ITSN1: variants seen among roughly 807,000 people sequenced by gnomAD.
ITSN1 encodes the protein intersectin 1.
ITSN1 carries 58 observed loss-of-function variants against 239.8 expected under a neutral mutation model. That is an observed-to-expected ratio of 0.24 (90% confidence interval 0.20 to 0.30). The LOEUF is 0.30. Ranked by LOEUF, ITSN1 falls within the 10% of genes least tolerant of loss-of-function variation. ITSN1 has a pLI of 1.00. For missense variants in ITSN1, 1,558 were observed against 2,103.3 expected (o/e 0.74, Z 5.07); for synonymous variants, 780 against 770.8 (o/e 1.01, Z -0.20).
chr21:33,829,061 A>G (rs1409957894), intron 26 of ITSN1: 73 of 464,366 alleles, frequency 1.6e-4, no homozygotes, highest in South Asian at 4.7e-5. Flanking sequence ...GTGAGCCATA[A>G]AGAAGAAGGC....
chr21:33,757,332 A>G (rs2067999363), intron 8 of ITSN1, among the ~76,000 whole-genome samples: 1 of 152,218 alleles, frequency 6.6e-6, no homozygotes, highest in Non-Finnish European at 1.5e-5. Flanking sequence ...TTGAGCATTT[A>G]GAACTTTTAA....
At chr21:33,767,943 T>C in intron 11 of ITSN1, 115 bp downstream of exon 11, 1 of 591,514 alleles carries the variant, frequency 1.7e-6, no homozygotes, top group East Asian at 3.1e-5. Flanking sequence ...ATTTTTGCCT[T>C]GTAACTTAAC....
chr21:33,773,390 C>T (rs1385004807), intron 12 of ITSN1, among the ~76,000 whole-genome samples: 2 of 152,134 alleles, frequency 1.3e-5, no homozygotes, highest in African/African-American at 2.4e-5. Flanking sequence ...GTAAATTTAG[C>T]GCCATACCTG....
chr21:33,722,764 T>G, intron 4 of ITSN1, 113 bp downstream of exon 4: 9 of 979,936 alleles, frequency 9.2e-6, no homozygotes, highest in East Asian at 3.1e-5. Flanking sequence ...CATGTATCTC[T>G]AGCCTGAAAT....
rs139275183 is a variant in ITSN1 at position 33,813,985 on chromosome 21, C to A, written c.2640C>A (p.Thr880=). 1.2e-6 allele frequency: 2 copies of A among 1,614,154 alleles called. No homozygotes were observed. Among genetic ancestry groups the A allele is most frequent in the African/African-American group, 1.3e-5 (1 of 75,022 alleles). ...WDAWAAQPSL[T]VPSAGQLRQR... is the part of the protein sequence containing the mutation. ...CATGGGCAGCCCAGCCCTCTCTCAC[C>A]GTTCCAAGTGCCGGCCAGTTAAGGC... The change falls in exon 22 of 40, where the codon ACC becomes ACA. Residue 880 remains threonine (T), a synonymous_variant. Transcript: ENST00000381318.
chr21:33,871,530 T>C (rs1216112505), intron 33 of ITSN1, among the ~76,000 whole-genome samples: 1 of 151,654 alleles, frequency 6.6e-6, no homozygotes, highest in African/African-American at 2.4e-5. Context: ...GATCCCGAGG[T>C]CAAGAGATCA....
chr21:33,678,097 A>C (rs1479938048), intron 1 of ITSN1, among the ~76,000 whole-genome samples: 1 of 152,172 alleles, frequency 6.6e-6, no homozygotes, highest in Non-Finnish European at 1.5e-5. Flanking sequence ...GTGCTTCTCC[A>C]GTTTCTTCCT....
At chr21:33,762,420 C>G (rs1287526402) in intron 9 of ITSN1, among the ~76,000 whole-genome samples, 1 of 151,842 alleles carries the variant, frequency 6.6e-6, no homozygotes, top group Non-Finnish European at 1.5e-5. Context: ...GCATGCACCA[C>G]CATGCCCGGC....
In ITSN1 at chr21:33,859,867, G is replaced by A. The variant is rs564452251; in HGVS notation, c.3890+1075G>A. Among the ~76,000 whole-genome samples, 5 of 152,274 alleles carry A rather than the reference G, an allele frequency of 3.3e-5. No individual in the cohort carries two copies. In the East Asian group the frequency reaches 5.8e-4, roughly 18 times the overall value. On this transcript the variant is annotated intron_variant, in intron 31 of 39. Coordinates refer to ENST00000381318, the MANE Select transcript of ITSN1 (RefSeq NM_003024.3). ...GGCTTTTAGAGAAGGTCTGGACTCC[G>A]TTGCCCGCGCCCCCTGCCACCCGAT...
chr21:33,660,377 TATC>T (rs938656333), intron 1 of ITSN1, among the ~76,000 whole-genome samples: 1 of 152,218 alleles, frequency 6.6e-6, no homozygotes, highest in African/African-American at 2.4e-5. Context: ...ATTTTTGTCT[TATC>T]ATTGTCTGCC....
chr21:33,673,730 C>T (rs1279976363), intron 1 of ITSN1, among the ~76,000 whole-genome samples: 1 of 152,198 alleles, frequency 6.6e-6, no homozygotes, highest in Non-Finnish European at 1.5e-5. Context: ...GCCAGGATGT[C>T]ACCTTTTCAT....
intron 20 of ITSN1, 87 bp from the exon 21 acceptor site, chr21:33,810,888 C>T (rs779867781): frequency 1.2e-5 from 17 of 1,445,402 alleles, no homozygotes; most frequent in Non-Finnish European, 1.7e-5. Flanking sequence ...CTAAAGAGGG[C>T]AGAGGCTTGG....
chr21:33,808,829 G>T, intron 20 of ITSN1, among the ~76,000 whole-genome samples: 1 of 152,126 alleles, frequency 6.6e-6, no homozygotes, highest in Admixed American at 6.5e-5. Flanking sequence ...TTGCAGTCTT[G>T]ACACTAAGTT....
In ITSN1 at chr21:33,882,128, CT is replaced by C. The variant is rs1166500008; in HGVS notation, c.4342-111del. Reference sequence around the variant, plus strand: ...CCAAAGTCTTCAAAGCTATCCTTGACTTTTGCCTGAGATCCGAGTCTGCTGG... The same window carrying C: ...CCAAAGTCTTCAAAGCTATCCTTGACTTTGCCTGAGATCCGAGTCTGCTGG... On this transcript the variant is annotated intron_variant, in intron 34 of 39. Transcript: ENST00000381318. The surrounding 1 kb of genome is among the most constrained non-coding windows in gnomAD (Gnocchi z 4.5). 19 of 850,776 alleles carry C rather than the reference CT, an allele frequency of 2.2e-5. No homozygotes were observed. Among genetic ancestry groups the C allele is most frequent in the Non-Finnish European group, 3.4e-5 (19 of 551,512 alleles). The allele number at this position is 850,776 out of a possible 1,614,324, so 52.7% of individuals were successfully genotyped here.
At chr21:33,856,317 TTTA>T (rs1215078787) in intron 29 of ITSN1, among the ~76,000 whole-genome samples, 5 of 152,088 alleles carry the variant, frequency 3.3e-5, no homozygotes, top group African/African-American at 1.2e-4. Flanking sequence ...ACAATAAGAA[TTTA>T]TTGCCATACA....
intron 5 of ITSN1, among the ~76,000 whole-genome samples, chr21:33,740,179 T>A (rs939730355): frequency 6.6e-6 from 1 of 152,096 alleles, no homozygotes; most frequent in Admixed American, 6.6e-5. Flanking sequence ...TTTTGGTGAT[T>A]TTGAGAGTCC....
intron 5 of ITSN1, among the ~76,000 whole-genome samples, chr21:33,748,388 A>G (rs2067314245): frequency 6.6e-6 from 1 of 152,156 alleles, no homozygotes; most frequent in African/African-American, 2.4e-5. Context: ...GTTCAAGGTT[A>G]CAGTGAGCTG....
intron 16 of ITSN1, among the ~76,000 whole-genome samples, chr21:33,783,819 T>C (rs550621036): frequency 2.0e-5 from 3 of 152,318 alleles, no homozygotes; most frequent in East Asian, 1.9e-4. Flanking sequence ...TGCCTTCACA[T>C]TGATTCTTTT....
At chr21:33,786,554 G>T (rs532979702) in intron 16 of ITSN1, among the ~76,000 whole-genome samples, 1 of 152,338 alleles carries the variant, frequency 6.6e-6, no homozygotes, top group Non-Finnish European at 1.5e-5. Flanking sequence ...CCTTGGCGAT[G>T]TCAGTAGTTA....
Sources: allele counts gnomAD v4.1 joint callset (sites outside exome capture counted in the v4.1 genomes callset), GRCh38; gene constraint gnomAD v4.1.1; non-coding constraint Gnocchi (gnomAD v3.1); transcripts MANE v1.5; gene names NCBI Gene and HGNC (gene_info 2026-07-23, HGNC 2026-07-21).